MIB1: variants seen among roughly 807,000 people sequenced by gnomAD.
The protein encoded by MIB1 is E3 ubiquitin-protein ligase MIB1.
A neutral mutation model predicts 124.5 loss-of-function variants in MIB1; 278 were observed. The observed-to-expected ratio is 2.23, with a 90% CI of 2.02 to 2.47. The LOEUF (loss-of-function observed/expected upper bound fraction) is 2.47. Ranked by LOEUF, MIB1 falls within the 30% of genes most tolerant of loss-of-function variation. The pLI, the probability that MIB1 is intolerant of heterozygous loss-of-function variation, is 0.00. For missense variants in MIB1, 957 were observed against 1,254.4 expected (o/e 0.76, Z 3.58); for synonymous variants, 446 against 429.4 (o/e 1.04, Z -0.48).
intron 12 of MIB1, among the ~76,000 whole-genome samples, chr18:21,836,312 C>T (rs570378125): frequency 7.6e-5 from 11 of 144,888 alleles, no homozygotes; most frequent in Admixed American, 4.3e-4. Flanking sequence ...CTCGCTCAGT[C>T]GCCTGGGCTG....
rs191014839 is a variant in MIB1, at chr18:21,842,221, C to T, written c.1963-910C>T. On this transcript the variant is annotated intron_variant, in intron 13 of 20. Transcript: ENST00000261537. ...TCTTGAAGAATATGACATAACATTA[C>T]CAAAGTTTCAGCTCTGCATACCCCG... Among the ~76,000 whole-genome samples the T allele has an allele frequency of 5.3e-4, 80 of 151,554 alleles. No individual in the cohort carries two copies. In the Middle Eastern group the frequency reaches 0.014, roughly 26 times the overall value.
intron 12 of MIB1, among the ~76,000 whole-genome samples, chr18:21,836,273 G>GTTTT (rs34936609): frequency 7.5e-6 from 1 of 133,448 alleles, no homozygotes; most frequent in Admixed American, 7.7e-5. Context: ...AAAACAAAAG[G>GTTTT]TTTTTTTTTT....
chr18:21,732,384 A>ACT (rs2040775769), intron 1 of MIB1, among the ~76,000 whole-genome samples: 1 of 151,550 alleles, frequency 6.6e-6, no homozygotes, highest in African/African-American at 2.4e-5. Context: ...ACACACACAC[A>ACT]CACACACACA....
chr18:21,799,994 T>C lies in MIB1; in HGVS notation c.1371+20T>C, dbSNP rs781196706. ...GTGGATGTGAGCATTTTAAAAATTA[T>C]TTTGAAGCATACAAAAAGTAGAATA... On this transcript the variant is annotated intron_variant, in intron 9 of 20. Coordinates refer to ENST00000261537, the MANE Select transcript of MIB1 (RefSeq NM_020774.4). 14 of 1,603,448 alleles carry C rather than the reference T, an allele frequency of 8.7e-6. No homozygotes were observed. Among genetic ancestry groups the C allele is most frequent in the Non-Finnish European group, 1.2e-5 (14 of 1,173,286 alleles).
intron 1 of MIB1, among the ~76,000 whole-genome samples, chr18:21,714,588 C>T (rs576664107): frequency 6.6e-6 from 1 of 152,272 alleles, no homozygotes; most frequent in African/African-American, 2.4e-5. Context: ...TGCATAGTAT[C>T]CTCCCATGCT....
At chr18:21,716,131 A>G (rs2040688871) in intron 1 of MIB1, among the ~76,000 whole-genome samples, 1 of 152,246 alleles carries the variant, frequency 6.6e-6, no homozygotes, top group South Asian at 2.1e-4. Context: ...CAGGTAACCC[A>G]TAAAGGAAAA....
chr18:21,761,506 G>A (rs28430550), intron 1 of MIB1, among the ~76,000 whole-genome samples: 2,650 of 152,186 alleles, frequency 0.017, 68 homozygotes, highest in African/African-American at 0.055. Context: ...GAGGCATGCC[G>A]GATGTTATTT....
intron 12 of MIB1, among the ~76,000 whole-genome samples, chr18:21,836,577 A>G (rs939303081): frequency 5.3e-5 from 8 of 152,184 alleles, no homozygotes; most frequent in African/African-American, 1.7e-4. Flanking sequence ...ATTTCATGTT[A>G]TGGAAAATGA....
chr18:21,795,840 G>A (rs1041815065), intron 7 of MIB1, among the ~76,000 whole-genome samples: 6 of 152,212 alleles, frequency 3.9e-5, no homozygotes, highest in African/African-American at 1.2e-4. Context: ...ATGTAGTAGC[G>A]TTGATATTGT....
chr18:21,723,873 G>A (rs2040725950), intron 1 of MIB1, among the ~76,000 whole-genome samples: 1 of 150,994 alleles, frequency 6.6e-6, no homozygotes, highest in African/African-American at 2.4e-5. Flanking sequence ...TAAATTCAGA[G>A]CTTAACTTTT....
At chr18:21,853,708 G>A (rs2042200909) in intron 18 of MIB1, among the ~76,000 whole-genome samples, 1 of 152,020 alleles carries the variant, frequency 6.6e-6, no homozygotes, top group Non-Finnish European at 1.5e-5. Flanking sequence ...TTTTCTTTGT[G>A]AGGGCAGTAT....
chr18:21,842,462 A>G (rs2042099931), intron 13 of MIB1, among the ~76,000 whole-genome samples: 1 of 151,892 alleles, frequency 6.6e-6, no homozygotes. Context: ...TTTGGAGCTG[A>G]GGAAGTAGAT....
chr18:21,784,298 C>T (rs373318226), intron 6 of MIB1, among the ~76,000 whole-genome samples: 4 of 152,042 alleles, frequency 2.6e-5, no homozygotes, highest in South Asian at 4.1e-4. Flanking sequence ...CCGCCCTCCT[C>T]GGCCTCCCAA....
At chr18:21,863,841 T>C (rs1311238513) in intron 20 of MIB1, among the ~76,000 whole-genome samples, 1 of 151,892 alleles carries the variant, frequency 6.6e-6, no homozygotes, top group Admixed American at 6.6e-5. Context: ...CCATCTCTAC[T>C]AAAAATACAA....
At chr18:21,708,108 G>C (rs908661303) in intron 1 of MIB1, among the ~76,000 whole-genome samples, 3 of 152,146 alleles carry the variant, frequency 2.0e-5, no homozygotes, top group Non-Finnish European at 4.4e-5. Flanking sequence ...ACCTTGAGGG[G>C]CTAGGGCTCC....
At chr18:21,763,405 T>A (rs2041121606) in intron 1 of MIB1, among the ~76,000 whole-genome samples, 1 of 152,200 alleles carries the variant, frequency 6.6e-6, no homozygotes, top group African/African-American at 2.4e-5. Flanking sequence ...GCAAAGTCGT[T>A]CCTGGTTCAT....
intron 1 of MIB1, among the ~76,000 whole-genome samples, chr18:21,715,787 C>T (rs114166766): frequency 0.013 from 1,998 of 151,832 alleles, 45 homozygotes; most frequent in African/African-American, 0.046. Flanking sequence ...ACAAGGTTTT[C>T]GAATTAACTC....
chr18:21,724,725 AAAATATATATATATATAT>A lies in MIB1; in HGVS notation n.167+19604_167+19621del, dbSNP rs1429976313. 9.1e-4 allele frequency among the ~76,000 whole-genome samples: 39 copies of A among 42,844 alleles called. 5 individuals are homozygous for A. The highest frequency in any genetic ancestry group is 1.2e-3 in the African/African-American group (15 of 12,152). The allele number at this position is 42,844 out of a possible 152,430, so 28.1% of individuals were successfully genotyped here. On this transcript the variant is annotated intron_variant and non_coding_transcript_variant, in intron 1 of 20. Coordinates refer to the MIB1 transcript ENST00000578646. ...GTCTCCCCCATCCAAAAAAAAAAAA[AAAATATATATATATATAT>A]ATATATATATATATATATATATATA...
chr18:21,822,514 A>G (rs1420990585), intron 12 of MIB1, among the ~76,000 whole-genome samples: 1 of 152,232 alleles, frequency 6.6e-6, no homozygotes, highest in Admixed American at 6.5e-5. Flanking sequence ...AGTTAAAGCT[A>G]CATGCCTTCT....
Sources: allele counts gnomAD v4.1 joint callset (sites outside exome capture counted in the v4.1 genomes callset), GRCh38; gene constraint gnomAD v4.1.1; transcripts MANE v1.5; gene names NCBI Gene and HGNC (gene_info 2026-07-23, HGNC 2026-07-21).